Variants in TEX9 observed in about 807,000 individuals in gnomAD.
The protein encoded by TEX9 is testis-expressed protein 9.
TEX9 carries 74 observed loss-of-function variants against 59.6 expected under a neutral mutation model. The observed-to-expected ratio is 1.24, with a 90% CI of 1.03 to 1.51. The LOEUF (loss-of-function observed/expected upper bound fraction) is 1.51. TEX9 is among the 40% of genes most tolerant of loss of function. The pLI is 0.00. For synonymous variants in TEX9, 186 were observed against 152.2 expected, an observed-to-expected ratio of 1.22 and a Z score of -1.64; for missense variants, 522 against 447.8, an observed-to-expected ratio of 1.17 and a Z score of -1.49.
intron 12 of TEX9, chr15:56,429,019 C>A: frequency 1.3e-6 from 1 of 756,846 alleles, no homozygotes; most frequent in Non-Finnish European, 2.1e-6. Context: ...ATACCTAATG[C>A]CACTGAACTG....
chr15:56,447,158 T>A, downstream of TEX9: 1 of 418,930 alleles, frequency 2.4e-6, no homozygotes, highest in Non-Finnish European at 4.3e-6. Context: ...CTCTGTTCTA[T>A]TACATTCATC....
chr15:56,346,025 G>T (rs1376154848), intron 1 of TEX9, among the ~76,000 whole-genome samples: 9 of 152,166 alleles, frequency 5.9e-5, no homozygotes, highest in African/African-American at 2.2e-4. Context: ...TGGGAATCAG[G>T]ATACATGGCA....
intron 1 of TEX9, among the ~76,000 whole-genome samples, chr15:56,349,352 G>A (rs2046531670): frequency 6.6e-6 from 1 of 152,144 alleles, no homozygotes; most frequent in Admixed American, 6.5e-5. Flanking sequence ...CATTAATTGA[G>A]CTGTTTGAAA....
rs1382910271 is a variant in TEX9, at chr15:56,426,589, G to GTGTATATATA, written c.964-1015_964-1014insGTATATATAT. 1.1e-3 allele frequency among the ~76,000 whole-genome samples: 27 copies of GTGTATATATA among 24,328 alleles called. 1 individual carries two copies. The highest frequency in any genetic ancestry group is 4.2e-3 in the Non-Finnish European group (24 of 5,776). The allele number at this position is 24,328 out of a possible 152,430, so 16.0% of individuals were successfully genotyped here. On this transcript the variant is annotated intron_variant, in intron 10 of 12. Transcript: ENST00000352903. The stretch of plus-strand genomic sequence containing the variant: ...TTTTTTTTTTTTTTTTTGAAAAGGT[G>GTGTATATATA]TATATATATATATATATATATATAT...
the TEX9 span, among the ~76,000 whole-genome samples, chr15:56,454,858 C>T: frequency 1.3e-5 from 2 of 152,130 alleles, no homozygotes; most frequent in Admixed American, 6.5e-5. Flanking sequence ...AACCTTTTCA[C>T]AGATTATCCC....
At chr15:56,428,445 G>GT in exon 12 of TEX9, 1 of 1,606,080 alleles carries the variant, frequency 6.2e-7, no homozygotes, top group Non-Finnish European at 8.5e-7. Flanking sequence ...AAATTCATAA[G>GT]TGATCTACTT....
intron 1 of TEX9, chr15:56,248,963 G>A (rs546771064): frequency 2.0e-5 from 3 of 152,216 alleles, no homozygotes; most frequent in Admixed American, 6.5e-5. Context: ...AGGCACATTC[G>A]AGAACCTGCT....
chr15:56,329,241 A>G (rs1333771777), intron 1 of TEX9, among the ~76,000 whole-genome samples: 4 of 152,120 alleles, frequency 2.6e-5, no homozygotes. Flanking sequence ...AGTACCCCCT[A>G]ATGCAGGTAT....
intron 1 of TEX9, among the ~76,000 whole-genome samples, chr15:56,307,814 C>T (rs1344740907): frequency 6.6e-6 from 1 of 152,156 alleles, no homozygotes; most frequent in African/African-American, 2.4e-5. Flanking sequence ...CTATTCTGGA[C>T]ATTTCATAAA....
intron 1 of TEX9, among the ~76,000 whole-genome samples, chr15:56,352,291 C>T (rs574121138): frequency 2.1e-4 from 32 of 152,200 alleles, no homozygotes; most frequent in African/African-American, 7.5e-4. Context: ...GTCGTCTGGG[C>T]TGGAGTGCAA....
intron 4 of TEX9, among the ~76,000 whole-genome samples, chr15:56,387,149 C>T (rs1429435599): frequency 6.6e-6 from 1 of 151,690 alleles, no homozygotes; most frequent in Non-Finnish European, 1.5e-5. Flanking sequence ...TGGAGTTAAA[C>T]AAAAGTAAGA....
intron 5 of TEX9, 149 bp downstream of exon 5, chr15:56,388,669 G>T: frequency 1.8e-6 from 1 of 568,704 alleles, no homozygotes; most frequent in East Asian, 2.8e-5. Context: ...TTTGTGAAGT[G>T]TCCCTCATAA....
chr15:56,453,041 T>TAAA, the TEX9 span, among the ~76,000 whole-genome samples: 1 of 152,214 alleles, frequency 6.6e-6, no homozygotes, highest in African/African-American at 2.4e-5. Flanking sequence ...TAGTCAGTTA[T>TAAA]ATTTTCTTTT....
intron 1 of TEX9, among the ~76,000 whole-genome samples, chr15:56,254,993 T>C (rs1234676346): frequency 6.6e-6 from 1 of 151,974 alleles, no homozygotes; most frequent in Non-Finnish European, 1.5e-5. Flanking sequence ...CCAAGAAAGA[T>C]GAAGGTGAAG....
rs139875440 is a variant in TEX9, at chr15:56,255,575, A to G, written c.-107+11297A>G. 5.3e-5 allele frequency among the ~76,000 whole-genome samples: 8 copies of G among 152,222 alleles called. No homozygotes were observed. In the East Asian group the frequency reaches 7.7e-4, roughly 15 times the overall value. ...GCAAGTTCTAATAAGGATAACAAAT[A>G]TAGTAACAATGTTAGACAAAAAAGA... On this transcript the variant is annotated intron_variant, in intron 1 of 5. Transcript: ENST00000560827.
chr15:56,446,511 A>G (rs2050904573), downstream of TEX9, among the ~76,000 whole-genome samples: 1 of 152,034 alleles, frequency 6.6e-6, no homozygotes, highest in African/African-American at 2.4e-5. Context: ...AAATAATTAA[A>G]AATTTCATAA....
intron 10 of TEX9, among the ~76,000 whole-genome samples, chr15:56,415,691 C>G (rs1332605952): frequency 6.6e-6 from 1 of 151,718 alleles, no homozygotes; most frequent in African/African-American, 2.4e-5. Flanking sequence ...CAACTTTGTT[C>G]TTTTTGCTTA....
At chr15:56,443,522 C>A in intron 12 of TEX9, 1 of 1,594,920 alleles carries the variant, frequency 6.3e-7, no homozygotes, top group Non-Finnish European at 8.5e-7. Flanking sequence ...AGCATTTCTT[C>A]TAATTTCTGT....
intron 3 of TEX9, among the ~76,000 whole-genome samples, chr15:56,379,675 T>C (rs936792989): frequency 6.6e-6 from 1 of 152,194 alleles, no homozygotes; most frequent in African/African-American, 2.4e-5. Context: ...GTGGTCTAGC[T>C]CTCTCTTTAG....
Sources: allele counts gnomAD v4.1 joint callset (sites outside exome capture counted in the v4.1 genomes callset), GRCh38; gene constraint gnomAD v4.1.1; transcripts MANE v1.5; gene names NCBI Gene and HGNC (gene_info 2026-07-23, HGNC 2026-07-21).